Variants in HSD17B2 observed in about 807,000 individuals in gnomAD.
HSD17B2 encodes the protein hydroxysteroid 17-beta dehydrogenase 2.
A neutral mutation model predicts 26.9 loss-of-function variants in HSD17B2; 32 were observed. That is an observed-to-expected ratio of 1.19 (90% CI 0.90 to 1.60). HSD17B2 has a LOEUF of 1.60. Among genes scored for constraint, HSD17B2 ranks in the 40% most tolerant of loss-of-function variants. The probability of loss-of-function intolerance (pLI) is 0.00; values close to 1 mark genes in which losing one functional copy is unlikely to be tolerated. For synonymous variants in HSD17B2, 246 were observed against 186.7 expected (o/e 1.32, Z -2.59); for missense variants, 613 against 468.6 (o/e 1.31, Z -2.85).
chr16:82,036,451 G>A (rs1279517938), intron 1 of HSD17B2, among the ~76,000 whole-genome samples: 1 of 151,648 alleles, frequency 6.6e-6, no homozygotes, highest in African/African-American at 2.4e-5. Context: ...GGATAGGGCT[G>A]TAATTAGGAT....
chr16:82,080,076 C>G (rs1368707269), intron 3 of HSD17B2, among the ~76,000 whole-genome samples: 4 of 152,170 alleles, frequency 2.6e-5, no homozygotes, highest in African/African-American at 7.2e-5. Context: ...ATAGATTTAT[C>G]ATGGAACTTT....
intron 1 of HSD17B2, among the ~76,000 whole-genome samples, chr16:82,041,764 C>G (rs982802256): frequency 6.6e-6 from 1 of 152,216 alleles, no homozygotes; most frequent in Non-Finnish European, 1.5e-5. Flanking sequence ...TCTGTCTTTA[C>G]TCCACCTTCT....
At chr16:82,046,110 C>T (rs559664838) in intron 1 of HSD17B2, among the ~76,000 whole-genome samples, 4 of 152,288 alleles carry the variant, frequency 2.6e-5, no homozygotes, top group Non-Finnish European at 2.9e-5. Flanking sequence ...TGGCTGGGGC[C>T]GAAGCTGGTT....
chr16:82,043,274 G>A (rs1053831870), intron 1 of HSD17B2, among the ~76,000 whole-genome samples: 4 of 152,176 alleles, frequency 2.6e-5, no homozygotes, highest in Admixed American at 6.5e-5. Context: ...GCAGGATCTG[G>A]CCACATGCAA....
chr16:82,071,161 G>A (rs972335755), intron 3 of HSD17B2, 34 bp downstream of exon 3: 4 of 1,599,754 alleles, frequency 2.5e-6, no homozygotes, highest in East Asian at 2.2e-5. Context: ...GTCATGGGGT[G>A]CCCATCACAA....
At chr16:82,055,722 C>G (rs546824316) in intron 1 of HSD17B2, among the ~76,000 whole-genome samples, 1 of 152,294 alleles carries the variant, frequency 6.6e-6, no homozygotes, top group South Asian at 2.1e-4. Context: ...GGTTCATGAG[C>G]TGGGGAGAGA....
chr16:82,043,236 G>C (rs1295964634), intron 1 of HSD17B2, among the ~76,000 whole-genome samples: 1 of 152,190 alleles, frequency 6.6e-6, no homozygotes, highest in Non-Finnish European at 1.5e-5. Flanking sequence ...CCATTAGCAA[G>C]TGCAATGTGG....
intron 2 of HSD17B2, 92 bp downstream of exon 2, chr16:82,068,474 T>C (rs1228168621): frequency 9.5e-7 from 1 of 1,051,002 alleles, no homozygotes; most frequent in East Asian, 2.6e-5. Flanking sequence ...CCCACTCCAC[T>C]CTGGGCACTG....
At chr16:82,076,584 C>G (rs968981153) in intron 3 of HSD17B2, among the ~76,000 whole-genome samples, 3 of 152,096 alleles carry the variant, frequency 2.0e-5, no homozygotes, top group Non-Finnish European at 4.4e-5. Flanking sequence ...GCATGTACTT[C>G]TTTTTATTTT....
chr16:82,068,491 C>T, intron 2 of HSD17B2, 109 bp downstream of exon 2: 1 of 876,386 alleles, frequency 1.1e-6, no homozygotes, highest in Non-Finnish European at 1.8e-6. Context: ...ACTGTTTGCC[C>T]TGAAGCACAC....
intron 4 of HSD17B2, 71 bp from the exon 5 acceptor site, chr16:82,098,004 G>A (rs947148358): frequency 6.7e-7 from 1 of 1,495,352 alleles, no homozygotes; most frequent in South Asian, 1.3e-5. Flanking sequence ...CTTCCCAACA[G>A]AGACAAGCGC....
At chr16:82,048,979 C>A (rs148258529) in intron 1 of HSD17B2, among the ~76,000 whole-genome samples, 1 of 152,122 alleles carries the variant, frequency 6.6e-6, no homozygotes, top group African/African-American at 2.4e-5. Flanking sequence ...AACCAGAGAA[C>A]GCATTATGAT....
intron 3 of HSD17B2, among the ~76,000 whole-genome samples, chr16:82,084,770 G>T (rs1981879): frequency 0.34 from 51,716 of 152,082 alleles, 9,143 homozygotes; most frequent in South Asian, 0.39. Context: ...TCTCCCTCTG[G>T]TGCCCAGGTT....
intron 1 of HSD17B2, among the ~76,000 whole-genome samples, chr16:82,057,674 C>T (rs1208683990): frequency 2.0e-5 from 3 of 152,178 alleles, no homozygotes; most frequent in African/African-American, 7.2e-5. Flanking sequence ...TGCTATGTAC[C>T]CTTAATGTGA....
At chr16:82,053,052 G>A (rs940792838) in intron 1 of HSD17B2, among the ~76,000 whole-genome samples, 6 of 152,184 alleles carry the variant, frequency 3.9e-5, no homozygotes, top group African/African-American at 1.2e-4. Flanking sequence ...ACCTCCCAAA[G>A]GCTCCACCTC....
chr16:82,046,284 A>T (rs1913926178), intron 1 of HSD17B2, among the ~76,000 whole-genome samples: 1 of 152,138 alleles, frequency 6.6e-6, no homozygotes, highest in African/African-American at 2.4e-5. Context: ...CGGTGCCACA[A>T]AACCCTCATG....
intron 1 of HSD17B2, among the ~76,000 whole-genome samples, chr16:82,041,759 C>CT (rs1171801767): frequency 6.6e-6 from 1 of 152,188 alleles, no homozygotes; most frequent in Non-Finnish European, 1.5e-5. Context: ...CTGACTCTGT[C>CT]TTTACTCCAC....
intron 1 of HSD17B2, among the ~76,000 whole-genome samples, chr16:82,066,166 G>A (rs1304336799): frequency 2.6e-5 from 4 of 152,152 alleles, no homozygotes; most frequent in Admixed American, 2.6e-4. Context: ...CTATCACATG[G>A]TCCAGACACT....
intron 1 of HSD17B2, among the ~76,000 whole-genome samples, chr16:82,039,272 C>G (rs555991897): frequency 6.6e-6 from 1 of 151,256 alleles, no homozygotes; most frequent in Non-Finnish European, 1.5e-5. Flanking sequence ...CACACACACA[C>G]GCACAAACAC....
Sources: gnomAD v4.1 joint callset for allele counts (sites outside exome capture counted in the v4.1 genomes callset) on GRCh38, gnomAD v4.1.1 for gene constraint, MANE v1.5 for transcripts, NCBI Gene and HGNC (gene_info 2026-07-23, HGNC 2026-07-21) for gene names.